LMX1A: variants seen among roughly 807,000 people sequenced by gnomAD.
LMX1A encodes the protein LIM homeobox transcription factor 1 alpha.
In LMX1A, 15 loss-of-function variants were observed where a neutral mutation model predicts 49.1. That is an observed-to-expected ratio of 0.31 (90% CI 0.20 to 0.47). The LOEUF (loss-of-function observed/expected upper bound fraction) is 0.47. LMX1A is among the 20% of genes least tolerant of loss of function. LMX1A has a pLI of 1.00. For missense variants in LMX1A, 372 were observed against 475.8 expected (o/e 0.78, Z 2.03); for synonymous variants, 167 against 185.7 (o/e 0.90, Z 0.82).
intron 4 of LMX1A, 116 bp from the exon 5 acceptor site, chr1:165,213,929 G>A (rs1414333528): frequency 9.3e-6 from 8 of 861,730 alleles, no homozygotes; most frequent in Non-Finnish European, 1.5e-5. Flanking sequence ...ATGTATGAGA[G>A]CAATAATCTA....
rs1571139883 is a variant in LMX1A, at chr1:165,202,217, TGGGTCCAC to T, written c.*1655_*1662del. ...CAAGCCTATCCTGGCCCCTCCTGGA[TGGGTCCAC>T]AGTGACCCGCTGTCTTCCCCACCAA... On this transcript the variant is annotated 3_prime_UTR_variant, in exon 9 of 9. Coordinates refer to ENST00000342310, the MANE Select transcript of LMX1A (RefSeq NM_177398.4). 5.2e-5 allele frequency: 8 copies of T among 152,780 alleles called. No homozygotes were observed. The East Asian group carries it at 1.6e-3, about 30-fold the overall frequency. The allele number at this position is 152,780 out of a possible 1,614,324, so 9.5% of individuals were successfully genotyped here. A position where few individuals can be genotyped will look rare whatever the true frequency, so the allele number is the denominator to read the frequency against.
intron 4 of LMX1A, among the ~76,000 whole-genome samples, chr1:165,232,052 G>C (rs1652258332): frequency 1.3e-5 from 2 of 152,206 alleles, no homozygotes. Context: ...ATGTGCCATG[G>C]TGCTTGGGTA....
chr1:165,352,896 G>A (rs1394434966), intron 3 of LMX1A, among the ~76,000 whole-genome samples, 180 bp downstream of exon 3: 2 of 152,260 alleles, frequency 1.3e-5, no homozygotes, highest in Non-Finnish European at 2.9e-5. Flanking sequence ...CACCCGCGCG[G>A]ATCTCTGCCC....
chr1:165,348,827 C>G (rs1309438553), intron 3 of LMX1A, among the ~76,000 whole-genome samples: 2 of 152,198 alleles, frequency 1.3e-5, no homozygotes, highest in African/African-American at 4.8e-5. Flanking sequence ...CACAGGGCTG[C>G]CAATCAGCGG....
intron 3 of LMX1A, among the ~76,000 whole-genome samples, chr1:165,313,449 CT>C (rs1403136304): frequency 6.9e-6 from 1 of 145,892 alleles, no homozygotes; most frequent in Non-Finnish European, 1.5e-5. Flanking sequence ...CTTCTTCATA[CT>C]TAGTCACACA....
At chr1:165,313,361 C>G (rs904345198) in intron 3 of LMX1A, among the ~76,000 whole-genome samples, 8 of 152,144 alleles carry the variant, frequency 5.3e-5, no homozygotes, top group Non-Finnish European at 1.0e-4. Context: ...ATCTCCTCCA[C>G]TCCTTACCTG....
intron 4 of LMX1A, among the ~76,000 whole-genome samples, chr1:165,238,273 T>C (rs902228775): frequency 2.6e-5 from 4 of 152,222 alleles, no homozygotes; most frequent in African/African-American, 7.2e-5. Flanking sequence ...TTTATTCATT[T>C]GATTGATGGG....
chr1:165,239,479 A>G (rs571066314), intron 4 of LMX1A, among the ~76,000 whole-genome samples: 24 of 152,278 alleles, frequency 1.6e-4, no homozygotes, highest in African/African-American at 5.8e-4. Context: ...TTATTTCTCC[A>G]TCTACTTTAT....
At position 165,210,789 on chromosome 1, in the gene LMX1A, G is replaced by C. The variant is rs1354686509; in HGVS notation, c.670-13C>G. ...GAGTCTCTCTCACCTTGGAAAAATT[G>C]AACGAGAAATGTAGACACACTGGCA... is the stretch of plus-strand genomic sequence containing the variant. On this transcript the variant is annotated splice_polypyrimidine_tract_variant and intron_variant, in intron 5 of 8. Transcript: ENST00000342310. The C allele has an allele frequency of 6.2e-7, 1 of 1,607,924 alleles. No homozygotes were observed. The highest frequency in any genetic ancestry group is 8.5e-7 in the Non-Finnish European group (1 of 1,174,896).
chr1:165,315,325 A>G (rs2101737769), intron 3 of LMX1A, among the ~76,000 whole-genome samples: 1 of 152,270 alleles, frequency 6.6e-6, no homozygotes, highest in South Asian at 2.1e-4. Context: ...CATCCACACT[A>G]ACGAAAGAAT....
intron 4 of LMX1A, among the ~76,000 whole-genome samples, chr1:165,237,900 G>C (rs1042160880): frequency 6.6e-6 from 1 of 152,206 alleles, no homozygotes; most frequent in East Asian, 1.9e-4. Context: ...TGGAATGTCA[G>C]TGCAAGAAAA....
rs552026234 is a variant in LMX1A at position 165,356,458 on chromosome 1, G to T, written c.-126C>A. On this transcript the variant is annotated 5_prime_UTR_variant, in exon 1 of 9. Coordinates refer to ENST00000342310, the MANE Select transcript of LMX1A (RefSeq NM_177398.4). The stretch of plus-strand genomic sequence containing the variant: ...CGTCGCCCCCGAGACTGCAGCCGGA[G>T]GAGCCGCCCTCGGCTTCGGAGCGCC... 6 of 152,284 alleles carry T rather than the reference G, an allele frequency of 3.9e-5. No individual in the cohort carries two copies. The South Asian group carries it at 1.2e-3, about 32-fold the overall frequency. The allele number at this position is 152,284 out of a possible 1,614,324, so 9.4% of individuals were successfully genotyped here.
chr1:165,311,571 T>C (rs749182816), intron 3 of LMX1A, among the ~76,000 whole-genome samples: 2 of 152,166 alleles, frequency 1.3e-5, no homozygotes, highest in Non-Finnish European at 2.9e-5. Flanking sequence ...AAGATAGGCA[T>C]ACCATACCAA....
intron 3 of LMX1A, among the ~76,000 whole-genome samples, chr1:165,334,131 G>A (rs1442012481): frequency 2.6e-5 from 4 of 152,126 alleles, no homozygotes; most frequent in Admixed American, 6.6e-5. Flanking sequence ...ACACAAAACA[G>A]TTGCACCACT....
chr1:165,212,592 A>G (rs536485694), intron 5 of LMX1A, among the ~76,000 whole-genome samples: 2 of 152,246 alleles, frequency 1.3e-5, no homozygotes, highest in South Asian at 4.1e-4. Context: ...TTTTTTCAAA[A>G]TGTATTTCCT....
intron 3 of LMX1A, among the ~76,000 whole-genome samples, chr1:165,291,923 A>G (rs866616791): frequency 6.6e-6 from 1 of 151,976 alleles, no homozygotes; most frequent in Non-Finnish European, 1.5e-5. Context: ...TTAGCCGGGC[A>G]TGGTGGCGCG....
intron 4 of LMX1A, among the ~76,000 whole-genome samples, chr1:165,229,596 T>C (rs1330127285): frequency 6.6e-6 from 1 of 152,256 alleles, no homozygotes; most frequent in Non-Finnish European, 1.5e-5. Context: ...TTGTGATAAA[T>C]GATGTCTTAG....
At chr1:165,266,595 C>CTTTCTT (rs1276055004) in intron 3 of LMX1A, among the ~76,000 whole-genome samples, 2 of 79,182 alleles carry the variant, frequency 2.5e-5, no homozygotes, top group African/African-American at 1.0e-4. Context: ...TTCTTTCTTT[C>CTTTCTT]TTTTTTTTTT....
intron 4 of LMX1A, among the ~76,000 whole-genome samples, chr1:165,222,801 C>T (rs1289411849): frequency 1.3e-5 from 2 of 152,194 alleles, no homozygotes; most frequent in African/African-American, 2.4e-5. Context: ...GAGGCCCATA[C>T]CCAGCCGGGT....
Sources: gnomAD v4.1 joint callset for allele counts (sites outside exome capture counted in the v4.1 genomes callset) on GRCh38, gnomAD v4.1.1 for gene constraint, MANE v1.5 for transcripts, NCBI Gene and HGNC (gene_info 2026-07-23, HGNC 2026-07-21) for gene names.